The following SLC46A3 variants were observed in gnomAD, a reference collection of about 807,000 sequenced individuals.
The protein encoded by SLC46A3 is solute carrier family 46 member 3.
SLC46A3 carries 26 observed loss-of-function variants against 38.5 expected under a neutral mutation model. The ratio of observed to expected loss-of-function variants is 0.68; its 90% CI spans 0.49 to 0.94. The LOEUF (loss-of-function observed/expected upper bound fraction) is 0.94, where lower values mean the gene tolerates loss of function less well. Among genes scored for constraint, SLC46A3 ranks in the 40% least tolerant of loss-of-function variants. SLC46A3 has a pLI of 0.00. For synonymous variants in SLC46A3, 185 were observed against 192.5 expected (o/e 0.96, Z 0.32); for missense variants, 510 against 544.3 (o/e 0.94, Z 0.63).
Position 28,704,008 on chromosome 13 carries a change from A to G in SLC46A3, c.1236T>C (p.Ala412=). 1 of 1,613,832 alleles carries G rather than the reference A, an allele frequency of 6.2e-7. No homozygotes were observed. Among genetic ancestry groups the G allele is most frequent in the Non-Finnish European group, 8.5e-7 (1 of 1,179,790 alleles). The change falls in exon 5 of 6, where the codon GCT becomes GCC. Residue 412 remains alanine (A), a synonymous_variant. Coordinates refer to ENST00000266943, the MANE Select transcript of SLC46A3 (RefSeq NM_181785.4). ...TFNGIYSATV[A]WYPGFTFLLS... is the part of the protein sequence containing the mutation. ...GCAGGAAAGTGAAGCCAGGGTACCA[A>G]GCAACAGTGGCTGAGTAAATTCCAT... is the stretch of plus-strand genomic sequence containing the variant.
intron 2 of SLC46A3, 83 bp from the exon 3 acceptor site, chr13:28,713,633 T>TC: frequency 7.3e-7 from 1 of 1,372,618 alleles, no homozygotes; most frequent in Non-Finnish European, 9.9e-7. Flanking sequence ...TATGCTTTTT[T>TC]CCCTGTGGCC....
At position 28,710,801 on chromosome 13, in the gene SLC46A3, A is replaced by T; in HGVS notation, c.1103T>A (p.Leu368Gln). ...FLFTIVPFSV[L>Q]RSMLSKVVRS... The stretch of plus-strand genomic sequence containing the variant: ...AACCACTTTTGACAACATGGACCGT[A>T]GAACAGAGAATGGCACAATAGTGAA... The change falls in exon 4 of 6, where the codon CTA becomes CAA. Residue 368 changes from leucine to glutamine, a missense_variant. By Grantham distance (113) the Leu-to-Gln change is moderately radical. Transcript: ENST00000266943. 6.2e-7 allele frequency: 1 copy of T among 1,614,178 alleles called. No homozygotes were observed. Among genetic ancestry groups the T allele is most frequent in the Non-Finnish European group, 8.5e-7 (1 of 1,180,006 alleles).
intron 4 of SLC46A3, among the ~76,000 whole-genome samples, chr13:28,708,806 G>A (rs1428381889): frequency 6.6e-6 from 1 of 151,694 alleles, no homozygotes; most frequent in Non-Finnish European, 1.5e-5. Context: ...TTTTTCAAAG[G>A]ACAAACTTTG....
At chr13:28,705,622 C>T (rs951645117) in intron 4 of SLC46A3, among the ~76,000 whole-genome samples, 7 of 152,196 alleles carry the variant, frequency 4.6e-5, no homozygotes, top group African/African-American at 1.7e-4. Flanking sequence ...ATCCCTAGGG[C>T]TCAGCTGTCC....
intron 3 of SLC46A3, among the ~76,000 whole-genome samples, chr13:28,711,436 A>C (rs1216378637): frequency 1.3e-5 from 2 of 151,846 alleles, no homozygotes; most frequent in Non-Finnish European, 2.9e-5. Flanking sequence ...GAAAAAAAAA[A>C]AACAAAAAAA....
chr13:28,700,376 G>C lies in SLC46A3; in HGVS notation c.*1121C>G, dbSNP rs1168771375. On this transcript the variant is annotated 3_prime_UTR_variant, in exon 6 of 6. Transcript: ENST00000266943. ...AAGACATGGAGGCATGAGAACACAT[G>C]GTGTTTTTAGAGACCAAGGTGGACC... The C allele has an allele frequency of 6.6e-6, 1 of 152,434 alleles. No individual in the cohort carries two copies. Among genetic ancestry groups the C allele is most frequent in the Non-Finnish European group, 1.5e-5 (1 of 68,216 alleles). The allele number at this position is 152,434 out of a possible 1,614,324, so 9.4% of individuals were successfully genotyped here.
At chr13:28,703,562 T>A (rs901105261) in intron 5 of SLC46A3, 15 of 152,774 alleles carry the variant, frequency 9.8e-5, no homozygotes, top group African/African-American at 3.6e-4. Context: ...GAGATGGGGG[T>A]CTTGCTATGT....
chr13:28,710,456 G>A (rs1885310370), intron 4 of SLC46A3, among the ~76,000 whole-genome samples: 1 of 152,240 alleles, frequency 6.6e-6, no homozygotes. Flanking sequence ...GCAGAGTTCA[G>A]TCTAGAAGGA....
At position 28,713,497 on chromosome 13, in the gene SLC46A3, T is replaced by G. The variant is rs767390066; in HGVS notation, c.243A>C (p.Leu81Phe). The change falls in exon 3 of 6, where the codon TTA (leucine) becomes TTC (phenylalanine). Residue 81 changes from leucine (L) to phenylalanine (F), a missense_variant. Leu to Phe is a conservative substitution (Grantham distance 22, BLOSUM62 0). Transcript: ENST00000266943. Reference protein sequence around the residue: ...RFNLQMDISGLIPGLVSTFIL... With the variant: ...RFNLQMDISGFIPGLVSTFIL... ...TGAATGTAGACACTAGACCAGGAAT[T>G]AATCCACTTATGTCCATCTGCAGAT... The G allele has an allele frequency of 2.5e-6, 4 of 1,613,238 alleles. No individual in the cohort carries two copies. Among genetic ancestry groups the G allele is most frequent in the Non-Finnish European group, 3.4e-6 (4 of 1,179,202 alleles).
At position 28,713,413 on chromosome 13, in the gene SLC46A3, A is replaced by G. The variant is rs767302242; in HGVS notation, c.327T>C (p.Val109=). 3.6e-5 allele frequency: 58 copies of G among 1,613,986 alleles called. No individual in the cohort carries two copies. The highest frequency in any genetic ancestry group is 4.8e-5 in the Non-Finnish European group (57 of 1,180,038). The change falls in exon 3 of 6, where the codon GTT becomes GTC. Residue 109 remains valine, a synonymous_variant. Coordinates refer to ENST00000266943, the MANE Select transcript of SLC46A3 (RefSeq NM_181785.4). ...GCCAAACGCTGGTTGCAAGAGCACC[A>G]ACGGAAGACAAAATCATAGGGAATT... ...GRKFPMILSS[V]GALATSVWLC...
In SLC46A3 at chr13:28,705,009, T is replaced by C. The variant is rs189870369; in HGVS notation, c.1145-910A>G. ...TAGTTTTGTCTGGAATCCAAGACCA[T>C]GTCAACTGAAGAGTTAAACTTCCAA... On this transcript the variant is annotated intron_variant, in intron 4 of 5. Coordinates refer to ENST00000266943, the MANE Select transcript of SLC46A3 (RefSeq NM_181785.4). Among the ~76,000 whole-genome samples, 333 of 152,354 alleles carry C rather than the reference T, an allele frequency of 2.2e-3. 3 individuals carry two copies. The highest frequency in any genetic ancestry group is 1.8e-3 in the Non-Finnish European group (123 of 68,030).
intron 4 of SLC46A3, 54 bp downstream of exon 4, chr13:28,710,706 G>T: frequency 7.6e-7 from 1 of 1,311,382 alleles, no homozygotes; most frequent in Non-Finnish European, 1.1e-6. Context: ...ATTGTACACA[G>T]ATTTGAGTTT....
Position 28,700,827 on chromosome 13 carries a change from A to C in SLC46A3, c.*670T>G. On this transcript the variant is annotated 3_prime_UTR_variant, in exon 6 of 6. Coordinates refer to ENST00000266943, the MANE Select transcript of SLC46A3 (RefSeq NM_181785.4). Reference sequence around the variant, plus strand: ...ATGAAACATATTAAGAAAAGTGAAAAATACATATTCTTTAAAGTGCCTCCC... The same window carrying C: ...ATGAAACATATTAAGAAAAGTGAAACATACATATTCTTTAAAGTGCCTCCC... The C allele has an allele frequency of 1.4e-6, 1 of 729,724 alleles. No homozygotes were observed. Among genetic ancestry groups the C allele is most frequent in the Non-Finnish European group, 2.2e-6 (1 of 454,246 alleles). The allele number at this position is 729,724 out of a possible 1,614,324, so 45.2% of individuals were successfully genotyped here.
At chr13:28,705,512 C>T (rs1885148939) in intron 4 of SLC46A3, among the ~76,000 whole-genome samples, 3 of 152,192 alleles carry the variant, frequency 2.0e-5, no homozygotes, top group African/African-American at 7.2e-5. Context: ...AAACATACGT[C>T]TATCTCTGCA....
chr13:28,713,644 A>G, intron 2 of SLC46A3, 94 bp from the exon 3 acceptor site: 3 of 1,248,450 alleles, frequency 2.4e-6, no homozygotes, highest in Non-Finnish European at 3.3e-6. Context: ...CCCTGTGGCC[A>G]GTAGGTTATG....
intron 4 of SLC46A3, among the ~76,000 whole-genome samples, chr13:28,706,920 G>A (rs1885186709): frequency 1.3e-5 from 2 of 152,164 alleles, no homozygotes; most frequent in Non-Finnish European, 2.9e-5. Context: ...GAGAGGATGT[G>A]GAGAAATAGG....
intron 4 of SLC46A3, chr13:28,704,583 A>T (rs561196784): frequency 6.6e-6 from 1 of 152,658 alleles, no homozygotes; most frequent in East Asian, 1.9e-4. Context: ...AAACCTTCTT[A>T]TCTGTTCCTC....
chr13:28,704,256 A>T, intron 4 of SLC46A3, 157 bp from the exon 5 acceptor site: 1 of 655,316 alleles, frequency 1.5e-6, no homozygotes, highest in Non-Finnish European at 2.5e-6. Flanking sequence ...AAAGTCCCTG[A>T]GAAGTCAGCA....
At chr13:28,715,890 CCAA>C in intron 2 of SLC46A3, among the ~76,000 whole-genome samples, 1 of 151,394 alleles carries the variant, frequency 6.6e-6, no homozygotes, top group East Asian at 1.9e-4. Flanking sequence ...GCCTGTAATC[CCAA>C]CACTTTGAGA....
Sources: allele counts gnomAD v4.1 joint callset (sites outside exome capture counted in the v4.1 genomes callset), GRCh38; gene constraint gnomAD v4.1.1; transcripts MANE v1.5; gene names NCBI Gene and HGNC (gene_info 2026-07-23, HGNC 2026-07-21).